The following NGEF variants were observed in gnomAD, a reference collection of about 807,000 sequenced individuals.
NGEF encodes ephexin-1.
NGEF carries 31 observed loss-of-function variants against 80.9 expected under a neutral mutation model. The observed-to-expected ratio is 0.38, with a 90% CI of 0.29 to 0.52. The LOEUF (loss-of-function observed/expected upper bound fraction) is 0.52. NGEF is among the 20% of genes least tolerant of loss of function. The pLI is 0.84. For synonymous variants in NGEF, 371 were observed against 370.2 expected (o/e 1.00, Z -0.03); for missense variants, 709 against 926.2 (o/e 0.77, Z 3.04).
intron 1 of NGEF, among the ~76,000 whole-genome samples, chr2:232,987,422 C>A (rs1694555797): frequency 6.6e-6 from 1 of 152,124 alleles, no homozygotes; most frequent in African/African-American, 2.4e-5. Flanking sequence ...GGGAGGTGTG[C>A]CTCCTATGGT....
chr2:232,990,008 C>G (rs1376249432), intron 1 of NGEF, among the ~76,000 whole-genome samples: 3 of 152,062 alleles, frequency 2.0e-5, no homozygotes, highest in Non-Finnish European at 4.4e-5. Context: ...CAGAGATGCT[C>G]CCAATAAGAG....
rs556589184 is a variant in NGEF at position 232,958,189 on chromosome 2, G to A, written c.383+12025C>T. ...ATGATGCTCCATTTGTATTTTTATTGCTGAGGGTACTTGGTCTCCTATATT... is the reference window on the plus strand; with the variant it reads ...ATGATGCTCCATTTGTATTTTTATTACTGAGGGTACTTGGTCTCCTATATT... On this transcript the variant is annotated intron_variant, in intron 3 of 14. Transcript: ENST00000264051. 3.3e-5 allele frequency among the ~76,000 whole-genome samples: 5 copies of A among 152,254 alleles called. No individual in the cohort carries two copies. The East Asian group carries it at 9.6e-4, about 29-fold the overall frequency.
chr2:232,959,428 C>G (rs1693899046), intron 3 of NGEF, among the ~76,000 whole-genome samples: 1 of 152,166 alleles, frequency 6.6e-6, no homozygotes, highest in South Asian at 2.1e-4. Flanking sequence ...ACAAGCTGCC[C>G]CAGGCTTACT....
chr2:232,918,318 C>G (rs1450022699), intron 5 of NGEF, among the ~76,000 whole-genome samples: 1 of 152,088 alleles, frequency 6.6e-6, no homozygotes, highest in Non-Finnish European at 1.5e-5. Flanking sequence ...CCAGGGTGGT[C>G]TTGAACTCTT....
At chr2:233,011,403 C>T (rs186985759) in intron 1 of NGEF, among the ~76,000 whole-genome samples, 7 of 152,188 alleles carry the variant, frequency 4.6e-5, no homozygotes, top group African/African-American at 1.2e-4. Context: ...CGACTTGGTG[C>T]TGGTGGCTCA....
chr2:232,887,621 A>G (rs1691733406), intron 9 of NGEF, among the ~76,000 whole-genome samples: 1 of 152,208 alleles, frequency 6.6e-6, no homozygotes, highest in South Asian at 2.1e-4. Flanking sequence ...ATGGAAAAAC[A>G]GGCAAAGACA....
At chr2:233,010,330 T>C (rs1207220456) in intron 1 of NGEF, among the ~76,000 whole-genome samples, 2 of 152,222 alleles carry the variant, frequency 1.3e-5, no homozygotes, top group African/African-American at 4.8e-5. Flanking sequence ...GTATGCTATT[T>C]AGAGAACCTG....
chr2:232,890,892 G>A (rs996171290), intron 8 of NGEF: 8 of 471,038 alleles, frequency 1.7e-5, no homozygotes, highest in Middle Eastern at 3.2e-4. Context: ...TCCCGTCCCC[G>A]TCATGTTCCC....
In NGEF at chr2:232,920,420, G is replaced by A. The variant is rs760688982; in HGVS notation, c.692C>T (p.Pro231Leu). 1 of 1,614,032 alleles carries A rather than the reference G, an allele frequency of 6.2e-7. No homozygotes were observed. Among genetic ancestry groups the A allele is most frequent in the Non-Finnish European group, 8.5e-7 (1 of 1,179,938 alleles). ...GATCTGGGGCAGAGTCTTCCTCTCT[G>A]GTGGGCTGGCCGGCTCCTCCTCCTC... The part of the protein sequence containing the change: ...EEEEEEPASP[P>L]ERKTLPQICL... Residue 231 changes from proline (P) to leucine (L), a missense_variant, in exon 5 of 15, where the codon CCA becomes CTA. This residue lies in a region of NGEF where 283 missense variants were observed against 303.4 expected (regional missense o/e 0.93). Transcript: ENST00000264051.
chr2:232,991,427 AT>A (rs1250142814), intron 1 of NGEF, among the ~76,000 whole-genome samples: 1 of 152,116 alleles, frequency 6.6e-6, no homozygotes, highest in African/African-American at 2.4e-5. Flanking sequence ...ATATACACAA[AT>A]TAATTGTATT....
intron 3 of NGEF, among the ~76,000 whole-genome samples, chr2:232,936,315 TA>T (rs1693322264): frequency 6.6e-6 from 1 of 152,192 alleles, no homozygotes; most frequent in East Asian, 1.9e-4. Context: ...GGAAATAAGT[TA>T]AAAAACAAAA....
chr2:232,976,538 A>T (rs980957793), intron 1 of NGEF, among the ~76,000 whole-genome samples: 10 of 152,308 alleles, frequency 6.6e-5, no homozygotes, highest in African/African-American at 2.4e-4. Flanking sequence ...CTTTCTGGGT[A>T]GGGGGATTTG....
chr2:232,929,472 C>T (rs1693174744), intron 3 of NGEF, among the ~76,000 whole-genome samples: 2 of 152,232 alleles, frequency 1.3e-5, no homozygotes, highest in East Asian at 1.9e-4. Flanking sequence ...CAAAGCCAGT[C>T]TCTAAAGCTG....
intron 3 of NGEF, among the ~76,000 whole-genome samples, chr2:232,941,256 C>G (rs895045981): frequency 6.6e-6 from 1 of 152,092 alleles, no homozygotes; most frequent in Non-Finnish European, 1.5e-5. Flanking sequence ...CAAAATATCT[C>G]AAGCACTGAT....
chr2:232,968,118 C>T lies in NGEF; in HGVS notation c.383+2096G>A, dbSNP rs540731973. Among the ~76,000 whole-genome samples, 27 of 95,406 alleles carry T rather than the reference C, an allele frequency of 2.8e-4. No individual in the cohort carries two copies. The South Asian group carries it at 7.7e-3, about 27-fold the overall frequency. The allele number at this position is 95,406 out of a possible 152,430, so 62.6% of individuals were successfully genotyped here. A position where few individuals can be genotyped will look rare whatever the true frequency, so the allele number is the denominator to read the frequency against. Reference sequence around the variant, plus strand: ...CTTTTTTTTTTTTGAGACAAAGTTTCGCTCTTGTTGCCCAGGCTGGAGTGC... The same window carrying T: ...CTTTTTTTTTTTTGAGACAAAGTTTTGCTCTTGTTGCCCAGGCTGGAGTGC... On this transcript the variant is annotated intron_variant, in intron 3 of 14. Coordinates refer to ENST00000264051, the MANE Select transcript of NGEF (RefSeq NM_019850.3).
intron 3 of NGEF, among the ~76,000 whole-genome samples, chr2:232,942,905 T>A (rs1245435358): frequency 5.2e-5 from 1 of 19,298 alleles, no homozygotes; most frequent in East Asian, 1.6e-3. Flanking sequence ...GTGAAATTTC[T>A]TTTTTTTTTT....
At chr2:232,986,697 G>C (rs756885405) in intron 1 of NGEF, among the ~76,000 whole-genome samples, 1 of 152,176 alleles carries the variant, frequency 6.6e-6, no homozygotes, top group Non-Finnish European at 1.5e-5. Flanking sequence ...GTTTGCCAAG[G>C]GCTGGGGGTC....
At chr2:232,972,529 C>A (rs913374654) in intron 2 of NGEF, among the ~76,000 whole-genome samples, 13 of 152,150 alleles carry the variant, frequency 8.5e-5, no homozygotes, top group Admixed American at 1.3e-4. Context: ...CCAGAAGGAT[C>A]TGAACTCTAG....
intron 1 of NGEF, among the ~76,000 whole-genome samples, chr2:233,008,649 C>T (rs1271654912): frequency 6.6e-6 from 1 of 152,194 alleles, no homozygotes; most frequent in African/African-American, 2.4e-5. Context: ...GTCCAAGTTG[C>T]TTGCCCTTCT....
Sources: allele counts gnomAD v4.1 joint callset (sites outside exome capture counted in the v4.1 genomes callset), GRCh38; gene constraint gnomAD v4.1.1; regional missense constraint gnomAD v4.1.1; transcripts MANE v1.5; gene names NCBI Gene and HGNC (gene_info 2026-07-23, HGNC 2026-07-21).